GUCY1A2: variants seen among roughly 807,000 people sequenced by gnomAD.
The protein encoded by GUCY1A2 is guanylate cyclase soluble subunit alpha-2.
GUCY1A2 carries 27 observed loss-of-function variants against 63.5 expected under a neutral mutation model. That is an observed-to-expected ratio of 0.43 (90% CI 0.31 to 0.59). GUCY1A2 has a LOEUF of 0.59. Ranked by LOEUF, GUCY1A2 falls within the 20% of genes least tolerant of loss-of-function variation. GUCY1A2 has a pLI of 0.11. For missense variants in GUCY1A2, 768 were observed against 913.3 expected, an observed-to-expected ratio of 0.84 and a Z score of 2.05; for synonymous variants, 364 against 343.5, an observed-to-expected ratio of 1.06 and a Z score of -0.66.
chr11:106,696,955 C>T (rs745368134), intron 7 of GUCY1A2, among the ~76,000 whole-genome samples: 3 of 152,068 alleles, frequency 2.0e-5, no homozygotes, highest in East Asian at 1.9e-4. Context: ...TTAGTTAAGT[C>T]GCTTAAATTC....
intron 4 of GUCY1A2, among the ~76,000 whole-genome samples, chr11:106,875,817 CT>C (rs990915561): frequency 2.0e-5 from 3 of 151,970 alleles, no homozygotes; most frequent in African/African-American, 7.2e-5. Context: ...TATTTTATAT[CT>C]TTTTTTATAT....
intron 5 of GUCY1A2, among the ~76,000 whole-genome samples, chr11:106,777,504 A>G (rs982959544): frequency 6.6e-6 from 1 of 152,012 alleles, no homozygotes; most frequent in Non-Finnish European, 1.5e-5. Context: ...GCAGCCATGA[A>G]AAAGGATGAG....
At chr11:106,867,280 A>T (rs1040176485) in intron 4 of GUCY1A2, among the ~76,000 whole-genome samples, 1 of 152,090 alleles carries the variant, frequency 6.6e-6, no homozygotes, top group Non-Finnish European at 1.5e-5. Context: ...AGACATAAAG[A>T]TATTTATCAG....
intron 3 of GUCY1A2, among the ~76,000 whole-genome samples, chr11:106,970,484 G>C (rs757603739): frequency 2.6e-5 from 4 of 152,140 alleles, no homozygotes; most frequent in Admixed American, 2.6e-4. Context: ...GGTATATGCA[G>C]AAATTATAAA....
chr11:106,908,682 C>A (rs905138941), intron 4 of GUCY1A2, among the ~76,000 whole-genome samples: 40 of 152,076 alleles, frequency 2.6e-4, no homozygotes, highest in Admixed American at 1.4e-3. Flanking sequence ...AAATCAGATT[C>A]TTTTTGTAAT....
intron 4 of GUCY1A2, among the ~76,000 whole-genome samples, chr11:106,887,623 C>T (rs1480590252): frequency 6.6e-6 from 1 of 152,184 alleles, no homozygotes; most frequent in Non-Finnish European, 1.5e-5. Context: ...TTCAATGACT[C>T]TGAGTCACAC....
At chr11:106,994,256 G>A (rs1229600071) in intron 1 of GUCY1A2, among the ~76,000 whole-genome samples, 2 of 152,108 alleles carry the variant, frequency 1.3e-5, no homozygotes, top group Non-Finnish European at 1.5e-5. Flanking sequence ...AATCAATATT[G>A]TAATTAAGTC....
intron 1 of GUCY1A2, among the ~76,000 whole-genome samples, chr11:107,015,550 A>C (rs1194245288): frequency 1.7e-5 from 2 of 120,252 alleles, no homozygotes; most frequent in East Asian, 5.5e-4. Flanking sequence ...AAATCTGTAA[A>C]TTCTCTTAGG....
At chr11:106,945,958 C>T (rs1267153105) in intron 3 of GUCY1A2, among the ~76,000 whole-genome samples, 1 of 151,970 alleles carries the variant, frequency 6.6e-6, no homozygotes, top group African/African-American at 2.4e-5. Flanking sequence ...AGAGCGAAAC[C>T]CATCTCAAAA....
At chr11:106,957,372 T>TGA (rs544487635) in intron 3 of GUCY1A2, among the ~76,000 whole-genome samples, 136 of 152,172 alleles carry the variant, frequency 8.9e-4, no homozygotes, top group African/African-American at 2.9e-3. Flanking sequence ...AGACTCCAGC[T>TGA]GAGAGGCTGT....
At chr11:106,922,606 A>C (rs1860460547) in intron 4 of GUCY1A2, among the ~76,000 whole-genome samples, 2 of 146,060 alleles carry the variant, frequency 1.4e-5, no homozygotes, top group Non-Finnish European at 3.0e-5. Flanking sequence ...CTTTTATTCA[A>C]ATTGTCCTTA....
intron 4 of GUCY1A2, among the ~76,000 whole-genome samples, chr11:106,865,454 G>T (rs2135460442): frequency 6.6e-6 from 1 of 151,984 alleles, no homozygotes; most frequent in Non-Finnish European, 1.5e-5. Context: ...TATACACCAT[G>T]GAATACTATG....
intron 4 of GUCY1A2, among the ~76,000 whole-genome samples, chr11:106,816,064 T>C (rs1858826829): frequency 6.6e-6 from 1 of 150,868 alleles, no homozygotes; most frequent in South Asian, 2.1e-4. Context: ...AGAAAACTGA[T>C]ACCTTAACAA....
At chr11:106,708,998 T>G (rs1233494137) in intron 6 of GUCY1A2, among the ~76,000 whole-genome samples, 2 of 150,490 alleles carry the variant, frequency 1.3e-5, no homozygotes, top group Non-Finnish European at 1.5e-5. Flanking sequence ...TATATTTTTC[T>G]CCACTTTCTC....
At chr11:106,959,797 A>G (rs1861036692) in intron 3 of GUCY1A2, among the ~76,000 whole-genome samples, 1 of 152,204 alleles carries the variant, frequency 6.6e-6, no homozygotes, top group Non-Finnish European at 1.5e-5. Context: ...TCTCACAGGG[A>G]AACAGTCTGG....
chr11:106,756,780 T>G (rs1248256782), intron 6 of GUCY1A2, among the ~76,000 whole-genome samples: 1 of 152,188 alleles, frequency 6.6e-6, no homozygotes, highest in African/African-American at 2.4e-5. Flanking sequence ...GTCCCTAACA[T>G]TTTTTCCTTC....
At chr11:106,756,580 G>C (rs904132350) in intron 6 of GUCY1A2, among the ~76,000 whole-genome samples, 3 of 152,122 alleles carry the variant, frequency 2.0e-5, no homozygotes, top group African/African-American at 7.2e-5. Context: ...TGTCTGTAAA[G>C]GATTTTATTT....
chr11:106,854,328 G>A (rs1293506365), intron 4 of GUCY1A2, among the ~76,000 whole-genome samples: 2 of 152,218 alleles, frequency 1.3e-5, no homozygotes, highest in Admixed American at 1.3e-4. Context: ...ATGCCTAGAT[G>A]AGGAGTACAG....
intron 6 of GUCY1A2, among the ~76,000 whole-genome samples, chr11:106,768,027 G>GA (rs1285404937): frequency 6.6e-6 from 1 of 151,998 alleles, no homozygotes; most frequent in Non-Finnish European, 1.5e-5. Flanking sequence ...GGAAAATATA[G>GA]AAAAAAAGCA....
Sources: allele counts gnomAD v4.1 joint callset (sites outside exome capture counted in the v4.1 genomes callset), GRCh38; gene constraint gnomAD v4.1.1; transcripts MANE v1.5; gene names NCBI Gene and HGNC (gene_info 2026-07-23, HGNC 2026-07-21).